The following GRIN2A variants were observed in gnomAD, a reference collection of about 807,000 sequenced individuals.
The protein encoded by GRIN2A is glutamate ionotropic receptor NMDA type subunit 2A.
Under a neutral mutation model 113.4 loss-of-function variants are expected in GRIN2A, and 22 were observed. The ratio of observed to expected loss-of-function variants is 0.19; its 90% CI spans 0.14 to 0.28. The LOEUF (loss-of-function observed/expected upper bound fraction) is 0.28, where lower values mean the gene tolerates loss of function less well. GRIN2A is among the 10% of genes least tolerant of loss of function. The pLI is 1.00. For synonymous variants in GRIN2A, 827 were observed against 738.4 expected, an observed-to-expected ratio of 1.12 and a Z score of -1.94; for missense variants, 1,502 against 1,887.0, an observed-to-expected ratio of 0.80 and a Z score of 3.78.
intron 3 of GRIN2A, among the ~76,000 whole-genome samples, chr16:9,935,630 A>G (rs919951236): frequency 1.3e-5 from 2 of 151,804 alleles, no homozygotes; most frequent in Admixed American, 6.6e-5. Flanking sequence ...TTCCAGAAAT[A>G]TTTCAGAGTG....
chr16:9,981,143 G>C (rs946874373), intron 2 of GRIN2A, among the ~76,000 whole-genome samples: 2 of 151,998 alleles, frequency 1.3e-5, no homozygotes, highest in African/African-American at 4.8e-5. Context: ...GACAGGAAAT[G>C]CACAAATTAC....
At position 10,180,646 on chromosome 16, in the gene GRIN2A, T is replaced by C. The variant is rs1435918783; in HGVS notation, c.-18-217A>G. ...AACTCCAATTCGAGCTAATTCTCCA[T>C]CCCCCAGCCCCTTCTCGCATCCAGC... On this transcript the variant is annotated intron_variant, in intron 1 of 12. Coordinates refer to ENST00000330684, the MANE Select transcript of GRIN2A (RefSeq NM_001134407.3). This position sits in a 1 kb window ranked among gnomAD's most constrained non-coding sequence, Gnocchi z 7.0. 4 of 756,442 alleles carry C rather than the reference T, an allele frequency of 5.3e-6. No homozygotes were observed. Among genetic ancestry groups the C allele is most frequent in the Non-Finnish European group, 8.3e-6 (4 of 480,202 alleles). The allele number at this position is 756,442 out of a possible 1,614,324, so 46.9% of individuals were successfully genotyped here.
intron 2 of GRIN2A, among the ~76,000 whole-genome samples, chr16:9,971,842 T>C (rs1567208783): frequency 6.6e-6 from 1 of 151,954 alleles, no homozygotes; most frequent in Non-Finnish European, 1.5e-5. Flanking sequence ...GAAGGCTCTG[T>C]AGAGTAAAAA....
At chr16:10,111,522 T>C in intron 2 of GRIN2A, 3 of 737,416 alleles carry the variant, frequency 4.1e-6, no homozygotes, top group Non-Finnish European at 7.4e-6. Flanking sequence ...TCATAGCTGA[T>C]GAGGTAGACC....
chr16:9,935,404 G>C (rs1226393559), intron 3 of GRIN2A, among the ~76,000 whole-genome samples: 1 of 152,104 alleles, frequency 6.6e-6, no homozygotes, highest in Non-Finnish European at 1.5e-5. Context: ...TTACTAAAGA[G>C]AGTAAAAGGA....
At chr16:10,131,455 T>G (rs2049061733) in intron 2 of GRIN2A, among the ~76,000 whole-genome samples, 1 of 147,410 alleles carries the variant, frequency 6.8e-6, no homozygotes, top group Admixed American at 7.0e-5. Context: ...TCCAGTCTCT[T>G]CTCACCACTT....
intron 3 of GRIN2A, among the ~76,000 whole-genome samples, chr16:9,893,445 A>T (rs896861966): frequency 6.6e-6 from 1 of 151,970 alleles, no homozygotes. Context: ...CTTCCTAGAA[A>T]GGTTTTTTGT....
intron 2 of GRIN2A, among the ~76,000 whole-genome samples, chr16:10,017,930 T>C (rs1051919929): frequency 1.8e-4 from 28 of 152,228 alleles, no homozygotes; most frequent in African/African-American, 6.5e-4. Flanking sequence ...AATCATGGAA[T>C]TCTTGGCATT....
intron 2 of GRIN2A, among the ~76,000 whole-genome samples, chr16:10,052,703 C>A (rs1401957834): frequency 6.6e-6 from 1 of 152,134 alleles, no homozygotes; most frequent in Non-Finnish European, 1.5e-5. Context: ...GCAAATTCCA[C>A]CCAAACTGGG....
chr16:10,050,416 C>T (rs1303102710), intron 2 of GRIN2A, among the ~76,000 whole-genome samples: 2 of 152,090 alleles, frequency 1.3e-5, no homozygotes, highest in East Asian at 3.9e-4. Flanking sequence ...CTTGCATTAC[C>T]ACCTGAGCTC....
At chr16:9,828,785 A>G (rs575738990) in intron 9 of GRIN2A, among the ~76,000 whole-genome samples, 2 of 152,288 alleles carry the variant, frequency 1.3e-5, no homozygotes, top group East Asian at 1.9e-4. Context: ...GTACAGCCCT[A>G]TAAGGGAAGA....
intron 12 of GRIN2A, among the ~76,000 whole-genome samples, chr16:9,766,808 T>C (rs1900947463): frequency 6.6e-6 from 1 of 152,160 alleles, no homozygotes; most frequent in Non-Finnish European, 1.5e-5. Flanking sequence ...GGGGTCCTTC[T>C]CCCCTAGGGA....
At chr16:9,798,039 T>C (rs975897077) in intron 11 of GRIN2A, among the ~76,000 whole-genome samples, 1 of 152,232 alleles carries the variant, frequency 6.6e-6, no homozygotes, top group African/African-American at 2.4e-5. Context: ...AACTCTTTCC[T>C]AAATCCCCTG....
intron 2 of GRIN2A, among the ~76,000 whole-genome samples, chr16:10,068,883 G>C (rs2047698191): frequency 6.6e-6 from 1 of 152,158 alleles, no homozygotes; most frequent in Admixed American, 6.5e-5. Context: ...TCCAGACAGA[G>C]AGAACCAAAT....
At chr16:9,865,432 C>A (rs556840040) in intron 4 of GRIN2A, among the ~76,000 whole-genome samples, 96 of 152,316 alleles carry the variant, frequency 6.3e-4, no homozygotes, top group Non-Finnish European at 1.2e-3. Context: ...GCTTTTCCCA[C>A]TGAATTATTA....
chr16:9,909,049 G>A (rs935183817), intron 3 of GRIN2A, among the ~76,000 whole-genome samples: 1 of 152,166 alleles, frequency 6.6e-6, no homozygotes, highest in African/African-American at 2.4e-5. Flanking sequence ...CCTGAACTGG[G>A]AAGAAAAAGA....
chr16:10,169,621 G>A (rs2049999026), intron 2 of GRIN2A, among the ~76,000 whole-genome samples: 1 of 152,186 alleles, frequency 6.6e-6, no homozygotes, highest in Non-Finnish European at 1.5e-5. Flanking sequence ...ACCAGCAGCT[G>A]AGGAAGGCAA....
At chr16:10,009,513 C>T (rs2046464622) in intron 2 of GRIN2A, among the ~76,000 whole-genome samples, 1 of 152,016 alleles carries the variant, frequency 6.6e-6, no homozygotes, top group South Asian at 2.1e-4. Flanking sequence ...GGCTCAATTC[C>T]CAAGGACGGC....
intron 2 of GRIN2A, among the ~76,000 whole-genome samples, chr16:10,123,669 T>G (rs2048874464): frequency 6.6e-6 from 1 of 152,170 alleles, no homozygotes; most frequent in African/African-American, 2.4e-5. Flanking sequence ...CCTGAGATTC[T>G]GCATTCAGGT....
Sources: allele counts gnomAD v4.1 joint callset (sites outside exome capture counted in the v4.1 genomes callset), GRCh38; gene constraint gnomAD v4.1.1; non-coding constraint Gnocchi (gnomAD v3.1); transcripts MANE v1.5; gene names NCBI Gene and HGNC (gene_info 2026-07-23, HGNC 2026-07-21).